Variants in ADAMTS2 observed in about 807,000 individuals in gnomAD.
ADAMTS2 encodes the protein A disintegrin and metalloproteinase with thrombospondin motifs 2.
A neutral mutation model predicts 123.0 loss-of-function variants in ADAMTS2; 50 were observed. The observed-to-expected ratio is 0.41, with a 90% CI of 0.32 to 0.51. The LOEUF (loss-of-function observed/expected upper bound fraction) is 0.51, where lower values mean the gene tolerates loss of function less well. Ranked by LOEUF, ADAMTS2 falls within the 20% of genes least tolerant of loss-of-function variation. ADAMTS2 has a pLI of 0.35. For synonymous variants in ADAMTS2, 678 were observed against 695.4 expected, an observed-to-expected ratio of 0.98 and a Z score of 0.39; for missense variants, 1,494 against 1,705.2, an observed-to-expected ratio of 0.88 and a Z score of 2.18.
At chr5:179,154,274 C>T in intron 7 of ADAMTS2, 82 bp from the exon 8 acceptor site, 3 of 1,519,296 alleles carry the variant, frequency 2.0e-6, no homozygotes, top group South Asian at 2.4e-5. Context: ...TAGGAGGGTG[C>T]CCCATCTTTC....
intron 5 of ADAMTS2, among the ~76,000 whole-genome samples, chr5:179,163,368 C>A (rs896956030): frequency 6.6e-6 from 1 of 152,140 alleles, no homozygotes; most frequent in Non-Finnish European, 1.5e-5. Flanking sequence ...AACCCAGGTG[C>A]CCAGGCACAG....
chr5:179,129,961 C>A lies in ADAMTS2; in HGVS notation c.2428G>T (p.Gly810Cys). The stretch of plus-strand genomic sequence containing the variant: ...ACGGTGATGGTGCCGTGGAGGGGGC[C>A]CATGGTCTGCAGCGTCTCCCGGCCG... The part of the protein sequence containing the change: ...EDGRETLQTM[G>C]PLHGTITVLV... The change falls in exon 16 of 22, where the codon GGC (glycine) becomes TGC (cysteine). Residue 810 changes from glycine (G) to cysteine (C), a missense_variant. By Grantham distance (159) the Gly-to-Cys change is radical. This residue lies in a region of ADAMTS2 where 953 missense variants were observed against 1,124.7 expected (regional missense o/e 0.85). Transcript: ENST00000251582. This position sits in a 1 kb window ranked among gnomAD's most constrained non-coding sequence, Gnocchi z 4.1. The A allele has an allele frequency of 6.2e-7, 1 of 1,613,988 alleles. No individual in the cohort carries two copies. Among genetic ancestry groups the A allele is most frequent in the Non-Finnish European group, 8.5e-7 (1 of 1,180,022 alleles).
intron 2 of ADAMTS2, among the ~76,000 whole-genome samples, chr5:179,291,345 C>T (rs12152929): frequency 0.045 from 6,885 of 152,312 alleles, 228 homozygotes; most frequent in Non-Finnish European, 0.069. Flanking sequence ...GTGCCCAGGG[C>T]GGTGGCCCAC....
intron 2 of ADAMTS2, among the ~76,000 whole-genome samples, chr5:179,278,565 C>T (rs1766806714): frequency 6.6e-6 from 1 of 152,132 alleles, no homozygotes; most frequent in South Asian, 2.1e-4. Context: ...TGCTGGTGGC[C>T]TGTCTGTCCA....
chr5:179,141,693 G>C (rs1763174525), intron 10 of ADAMTS2, among the ~76,000 whole-genome samples: 2 of 152,116 alleles, frequency 1.3e-5, no homozygotes, highest in Non-Finnish European at 2.9e-5. Flanking sequence ...AGAAGACGGG[G>C]CTGCCTCTAC....
chr5:179,303,789 C>A lies in ADAMTS2; in HGVS notation c.535-30725G>T, dbSNP rs1756598213. ...GAGTGAAACCCCATTGCTCTTTCCT[C>A]TTTTGGTCCTCCCAGGAGTGTAGTT... On this transcript the variant is annotated intron_variant, in intron 2 of 21. Transcript: ENST00000251582. This position sits in a 1 kb window ranked among gnomAD's most constrained non-coding sequence, Gnocchi z 4.7. 6.6e-6 allele frequency among the ~76,000 whole-genome samples: 1 copy of A among 152,204 alleles called. No individual in the cohort carries two copies. The highest frequency in any genetic ancestry group is 6.5e-5 in the Admixed American group (1 of 15,282).
chr5:179,181,015 C>T lies in ADAMTS2; in HGVS notation c.975+57G>A, dbSNP rs904295502. 487 of 1,398,442 alleles carry T rather than the reference C, an allele frequency of 3.5e-4. 1 individual carries two copies. Among genetic ancestry groups the T allele is most frequent in the Non-Finnish European group, 4.6e-4 (456 of 985,340 alleles). 86.6% of individuals were successfully genotyped at this position (1,398,442 alleles called of 1,614,324 possible). On this transcript the variant is annotated intron_variant, in intron 5 of 21. Coordinates refer to ENST00000251582, the MANE Select transcript of ADAMTS2 (RefSeq NM_014244.5). This position sits in a 1 kb window ranked among gnomAD's most constrained non-coding sequence, Gnocchi z 4.1. ...CTCCAAGGAGGCCCATGCCTCACTC[C>T]CAGGCCCCTCACTCCGAGGGGGTGG...
intron 3 of ADAMTS2, among the ~76,000 whole-genome samples, chr5:179,240,048 G>A (rs1029675123): frequency 8.5e-5 from 13 of 152,180 alleles, no homozygotes; most frequent in Admixed American, 7.2e-4. Context: ...TCCACCTAGG[G>A]GGTGCTGCTG....
At chr5:179,139,724 C>T (rs943682505) in intron 11 of ADAMTS2, among the ~76,000 whole-genome samples, 166 bp downstream of exon 11, 6 of 152,140 alleles carry the variant, frequency 3.9e-5, no homozygotes, top group African/African-American at 1.4e-4. Flanking sequence ...TCCCCTGAGC[C>T]GTCACCCCCT....
chr5:179,121,442 G>A (rs1762759258), intron 21 of ADAMTS2: 1 of 409,632 alleles, frequency 2.4e-6, no homozygotes, highest in Non-Finnish European at 4.3e-6. Flanking sequence ...TCACCAACCA[G>A]GTTCGGCCCC....
intron 2 of ADAMTS2, among the ~76,000 whole-genome samples, chr5:179,343,092 G>A (rs1757827445): frequency 6.6e-6 from 1 of 152,228 alleles, no homozygotes; most frequent in Non-Finnish European, 1.5e-5. Flanking sequence ...ACCAGCTGGA[G>A]TTCAACAGGA....
chr5:179,189,451 C>T lies in ADAMTS2; in HGVS notation c.892-8296G>A, dbSNP rs1764249595. 6.7e-6 allele frequency among the ~76,000 whole-genome samples: 1 copy of T among 148,838 alleles called. No individual in the cohort carries two copies. The highest frequency in any genetic ancestry group is 2.5e-5 in the African/African-American group (1 of 40,330). ...CCAGCTCCACCTCCCAGGTTCATGC[C>T]ATTCTCTTGCCTCAGCCTCCCGAGT... is the stretch of plus-strand genomic sequence containing the variant. On this transcript the variant is annotated intron_variant, in intron 4 of 21. Transcript: ENST00000251582. The surrounding 1 kb of genome is among the most constrained non-coding windows in gnomAD (Gnocchi z 4.2).
intron 10 of ADAMTS2, among the ~76,000 whole-genome samples, chr5:179,148,111 C>A (rs113648634): frequency 6.6e-6 from 1 of 152,090 alleles, no homozygotes; most frequent in African/African-American, 2.4e-5. Flanking sequence ...ATCAAAGACT[C>A]GGTACGACTG....
chr5:179,313,536 A>G (rs59998053), intron 2 of ADAMTS2, among the ~76,000 whole-genome samples: 169 of 8,858 alleles, frequency 0.019, 30 homozygotes, highest in African/African-American at 0.066. Flanking sequence ...ATTCACACTC[A>G]TGCACACACA....
At chr5:179,334,092 G>C (rs1757547792) in intron 2 of ADAMTS2, among the ~76,000 whole-genome samples, 1 of 152,202 alleles carries the variant, frequency 6.6e-6, no homozygotes. Flanking sequence ...TGGACAGAGG[G>C]AGGGAGACGC....
intron 5 of ADAMTS2, among the ~76,000 whole-genome samples, chr5:179,160,239 A>C (rs1467033988): frequency 2.6e-5 from 4 of 152,184 alleles, no homozygotes; most frequent in Admixed American, 1.3e-4. Flanking sequence ...CAGGTGGATC[A>C]CCTGAGGTCA....
At chr5:179,210,124 G>A (rs887758300) in intron 3 of ADAMTS2, among the ~76,000 whole-genome samples, 4 of 152,198 alleles carry the variant, frequency 2.6e-5, no homozygotes, top group African/African-American at 9.6e-5. Flanking sequence ...GGGTAGCCCG[G>A]GTCTGTGAAT....
At chr5:179,217,828 C>G (rs12651715) in intron 3 of ADAMTS2, among the ~76,000 whole-genome samples, 17,247 of 99,488 alleles carry the variant, frequency 0.17, 1,765 homozygotes, top group African/African-American at 0.29. Flanking sequence ...AGGGGATGGC[C>G]TGAGGGCAGA....
chr5:179,233,942 C>T (rs1201729548), intron 3 of ADAMTS2, among the ~76,000 whole-genome samples: 1 of 152,072 alleles, frequency 6.6e-6, no homozygotes, highest in Non-Finnish European at 1.5e-5. Context: ...CTCTCCCTCA[C>T]AGAGTGTGGG....
Sources: gnomAD v4.1 joint callset for allele counts (sites outside exome capture counted in the v4.1 genomes callset) on GRCh38, gnomAD v4.1.1 for gene constraint, gnomAD v4.1.1 regional missense constraint, Gnocchi (gnomAD v3.1) non-coding constraint, MANE v1.5 for transcripts, NCBI Gene and HGNC (gene_info 2026-07-23, HGNC 2026-07-21) for gene names.